Variants in MYRIP observed in about 807,000 individuals in gnomAD.
The protein encoded by MYRIP is rab effector MyRIP.
A neutral mutation model predicts 98.0 loss-of-function variants in MYRIP; 49 were observed. The ratio of observed to expected loss-of-function variants is 0.50; its 90% CI spans 0.40 to 0.63. The LOEUF (loss-of-function observed/expected upper bound fraction) is 0.63. Among genes scored for constraint, MYRIP ranks in the 30% least tolerant of loss-of-function variants. The pLI, the probability that MYRIP is intolerant of heterozygous loss-of-function variation, is 0.00. For missense variants in MYRIP, 1,004 were observed against 1,058.2 expected (o/e 0.95, Z 0.71); for synonymous variants, 404 against 409.5 (o/e 0.99, Z 0.16).
At chr3:39,865,108 T>G (rs1942582841) in intron 1 of MYRIP, among the ~76,000 whole-genome samples, 1 of 152,082 alleles carries the variant, frequency 6.6e-6, no homozygotes, top group Non-Finnish European at 1.5e-5. Context: ...ATATGCAGAA[T>G]ATTGAAGGTG....
chr3:39,856,443 G>GC (rs1357144020), intron 1 of MYRIP, among the ~76,000 whole-genome samples: 1 of 152,150 alleles, frequency 6.6e-6, no homozygotes, highest in Non-Finnish European at 1.5e-5. Context: ...CAGTTGCATA[G>GC]CCCAGCCTGC....
chr3:39,873,543 A>C (rs1481610927), intron 1 of MYRIP, among the ~76,000 whole-genome samples: 2 of 152,202 alleles, frequency 1.3e-5, no homozygotes, highest in Non-Finnish European at 2.9e-5. Flanking sequence ...ATCCAGTTTC[A>C]GCTTTCTACA....
At chr3:40,028,250 C>A (rs190701290) in intron 2 of MYRIP, among the ~76,000 whole-genome samples, 2 of 152,016 alleles carry the variant, frequency 1.3e-5, no homozygotes, top group Admixed American at 6.5e-5. Context: ...TGTTGTAAGA[C>A]CAGAAGGAGA....
At chr3:40,033,639 T>C (rs1358561753) in intron 2 of MYRIP, among the ~76,000 whole-genome samples, 3 of 152,090 alleles carry the variant, frequency 2.0e-5, no homozygotes, top group Non-Finnish European at 4.4e-5. Context: ...AAAATGGCCA[T>C]ACTGCCCAAG....
At chr3:39,912,721 C>T (rs924449392) in intron 2 of MYRIP, among the ~76,000 whole-genome samples, 10 of 152,128 alleles carry the variant, frequency 6.6e-5, no homozygotes, top group African/African-American at 1.7e-4. Context: ...AACCCCCATA[C>T]GTTGTTGACT....
intron 1 of MYRIP, among the ~76,000 whole-genome samples, chr3:39,893,009 G>C (rs575367465): frequency 7.7e-4 from 118 of 152,288 alleles, no homozygotes; most frequent in African/African-American, 2.8e-3. Flanking sequence ...GTAAGAGTTT[G>C]TTTTGGTTCC....
chr3:40,152,062 CT>C (rs1950135493), intron 4 of MYRIP, among the ~76,000 whole-genome samples: 1 of 152,168 alleles, frequency 6.6e-6, no homozygotes, highest in African/African-American at 2.4e-5. Context: ...TCATTAGGGT[CT>C]TTTGTTGTCA....
chr3:39,999,632 T>A (rs1946465113), intron 2 of MYRIP, among the ~76,000 whole-genome samples: 1 of 152,132 alleles, frequency 6.6e-6, no homozygotes, highest in Admixed American at 6.5e-5. Context: ...TCCTCAGGGA[T>A]CTAGAACTAG....
chr3:39,872,091 C>T (rs1156253500), intron 1 of MYRIP, among the ~76,000 whole-genome samples: 2 of 151,846 alleles, frequency 1.3e-5, no homozygotes, highest in East Asian at 1.9e-4. Context: ...TCTAATCTTC[C>T]AGCTTTATTT....
chr3:40,160,823 C>A (rs542647144), intron 4 of MYRIP, among the ~76,000 whole-genome samples: 1 of 152,320 alleles, frequency 6.6e-6, no homozygotes, highest in Admixed American at 6.5e-5. Flanking sequence ...TGGCCCCTTG[C>A]GCTTCCTGAG....
chr3:39,991,445 C>T (rs1171078572), intron 2 of MYRIP, among the ~76,000 whole-genome samples: 1 of 152,206 alleles, frequency 6.6e-6, no homozygotes, highest in Non-Finnish European at 1.5e-5. Context: ...GTGTGATGTG[C>T]TGATGTCCAT....
At chr3:40,072,302 G>A (rs1423156280) in intron 3 of MYRIP, among the ~76,000 whole-genome samples, 1 of 152,000 alleles carries the variant, frequency 6.6e-6, no homozygotes, top group African/African-American at 2.4e-5. Context: ...TCTACCTCCC[G>A]AGTTCAAGCA....
chr3:39,995,407 C>T lies in MYRIP; in HGVS notation c.111-48643C>T, dbSNP rs565996808. Among the ~76,000 whole-genome samples the T allele has an allele frequency of 7.1e-4, 108 of 152,038 alleles. No homozygotes were observed. The East Asian group carries it at 7.2e-3, about 10-fold the overall frequency. ...TGATGAATGCAGAAGCCTCAGTAGCCGATTCGATCAACTGGAAGAAAGGGT... is the reference window on the plus strand; with the variant it reads ...TGATGAATGCAGAAGCCTCAGTAGCTGATTCGATCAACTGGAAGAAAGGGT... On this transcript the variant is annotated intron_variant, in intron 2 of 16. Coordinates refer to ENST00000302541, the MANE Select transcript of MYRIP (RefSeq NM_015460.4).
intron 2 of MYRIP, among the ~76,000 whole-genome samples, chr3:39,988,628 C>T (rs1271127388): frequency 6.6e-6 from 1 of 151,386 alleles, no homozygotes; most frequent in Non-Finnish European, 1.5e-5. Context: ...TCCATTCTCT[C>T]TGTCTCTTTC....
intron 3 of MYRIP, among the ~76,000 whole-genome samples, chr3:40,099,339 T>G (rs1317444160): frequency 6.6e-6 from 1 of 152,258 alleles, no homozygotes. Context: ...TTGAGCACTA[T>G]AATATGCAAA....
At chr3:39,819,683 C>A (rs537140917) in intron 1 of MYRIP, among the ~76,000 whole-genome samples, 2 of 152,254 alleles carry the variant, frequency 1.3e-5, no homozygotes, top group East Asian at 3.9e-4. Flanking sequence ...AGCGTGACAC[C>A]ACCAGAGGGT....
chr3:39,878,315 C>T (rs1048942632), intron 1 of MYRIP, among the ~76,000 whole-genome samples: 2 of 152,260 alleles, frequency 1.3e-5, no homozygotes, highest in Admixed American at 6.5e-5. Flanking sequence ...GGCAATGCCT[C>T]GCCCTGCTTC....
chr3:39,975,819 A>G (rs1233826853), intron 2 of MYRIP, among the ~76,000 whole-genome samples: 1 of 152,162 alleles, frequency 6.6e-6, no homozygotes, highest in African/African-American at 2.4e-5. Context: ...TATTTAATAA[A>G]TGGTGCTGGG....
chr3:40,209,943 C>G lies in MYRIP; in HGVS notation c.1755C>G (p.Asn585Lys). 2 of 1,614,040 alleles carry G rather than the reference C, an allele frequency of 1.2e-6. No individual in the cohort carries two copies. Among genetic ancestry groups the G allele is most frequent in the Non-Finnish European group, 1.7e-6 (2 of 1,179,946 alleles). Reference protein sequence around the residue: ...LTDTTEEKRRNRLYELAMKMS... With the variant: ...LTDTTEEKRRKRLYELAMKMS... ...ACACCACAGAGGAGAAACGGAGAAA[C>G]AGGCTGTACGAGTTAGCAATGAAAA... Residue 585 changes from asparagine to lysine, a missense_variant, in exon 11 of 17, where the codon AAC (asparagine) becomes AAG (lysine). Asn to Lys is a moderately conservative substitution (Grantham distance 94). Coordinates refer to ENST00000302541, the MANE Select transcript of MYRIP (RefSeq NM_015460.4).
Sources: allele counts gnomAD v4.1 joint callset (sites outside exome capture counted in the v4.1 genomes callset), GRCh38; gene constraint gnomAD v4.1.1; transcripts MANE v1.5; gene names NCBI Gene and HGNC (gene_info 2026-07-23, HGNC 2026-07-21).